OCA2: variants seen among roughly 807,000 people sequenced by gnomAD.
OCA2 encodes the protein OCA2 melanosomal transmembrane protein.
OCA2 carries 77 observed loss-of-function variants against 100.2 expected under a neutral mutation model. That is an observed-to-expected ratio of 0.77 (90% CI 0.64 to 0.93). OCA2 has a LOEUF of 0.93. Among genes scored for constraint, OCA2 ranks in the 40% least tolerant of loss-of-function variants. The pLI, the probability that OCA2 is intolerant of heterozygous loss-of-function variation, is 0.00. For synonymous variants in OCA2, 432 were observed against 439.2 expected, an observed-to-expected ratio of 0.98 and a Z score of 0.21; for missense variants, 1,062 against 1,089.1, an observed-to-expected ratio of 0.98 and a Z score of 0.35.
intron 23 of OCA2, among the ~76,000 whole-genome samples, chr15:27,801,094 T>G (rs915390157): frequency 1.3e-5 from 2 of 152,164 alleles, no homozygotes; most frequent in Admixed American, 1.3e-4. Flanking sequence ...ACACAAACTC[T>G]TCCTGAAAAC....
At chr15:28,028,395 A>T (rs2042817788) in intron 3 of OCA2, among the ~76,000 whole-genome samples, 1 of 152,196 alleles carries the variant, frequency 6.6e-6, no homozygotes, top group Non-Finnish European at 1.5e-5. Flanking sequence ...TTTTCACTGC[A>T]TGCACTCCAG....
intron 14 of OCA2, among the ~76,000 whole-genome samples, chr15:27,974,359 G>T (rs1229647044): frequency 1.3e-5 from 2 of 152,186 alleles, no homozygotes; most frequent in African/African-American, 4.8e-5. Flanking sequence ...TGTCACTATT[G>T]ATAATGAGGC....
intron 21 of OCA2, among the ~76,000 whole-genome samples, chr15:27,861,536 C>T (rs4778124): frequency 0.44 from 65,921 of 151,376 alleles, 16,690 homozygotes; most frequent in African/African-American, 0.68. Context: ...TGGAAGGAGG[C>T]GAGGAGAAGG....
intron 22 of OCA2, among the ~76,000 whole-genome samples, chr15:27,851,086 T>A (rs2035730736): frequency 6.6e-6 from 1 of 152,152 alleles, no homozygotes; most frequent in African/African-American, 2.4e-5. Flanking sequence ...AAAATCTGTT[T>A]CTAAACCTAA....
chr15:27,986,621 G>A lies in OCA2; in HGVS notation c.1205C>T (p.Ser402Leu), dbSNP rs777116832. The part of the protein sequence containing the change: ...FGMMILVAIF[S>L]ETGFFDYCAV... ...ACAATAATCGAAAAATCCCGTTTCTGAAAATATGGCTACTAAGATCATCTA... is the reference window on the plus strand; with the variant it reads ...ACAATAATCGAAAAATCCCGTTTCTAAAAATATGGCTACTAAGATCATCTA... Residue 402 changes from serine to leucine, a missense_variant, in exon 12 of 24, where the codon TCA becomes TTA. Coordinates refer to ENST00000354638, the MANE Select transcript of OCA2 (RefSeq NM_000275.3). The A allele has an allele frequency of 3.8e-6, 6 of 1,593,862 alleles. No homozygotes were observed. In the South Asian group the frequency reaches 6.6e-5, roughly 18 times the overall value.
intron 21 of OCA2, among the ~76,000 whole-genome samples, chr15:27,855,237 T>C (rs1266122507): frequency 6.6e-6 from 1 of 152,198 alleles, no homozygotes; most frequent in East Asian, 1.9e-4. Flanking sequence ...AGATGCACCA[T>C]TTGCCCCTTT....
At chr15:27,941,035 A>C (rs1012580150) in intron 18 of OCA2, among the ~76,000 whole-genome samples, 2 of 152,208 alleles carry the variant, frequency 1.3e-5, no homozygotes, top group African/African-American at 4.8e-5. Flanking sequence ...CCCTGAAAGG[A>C]AGAATCTCTT....
intron 23 of OCA2, among the ~76,000 whole-genome samples, chr15:27,770,513 C>A (rs1341244992): frequency 1.7e-5 from 2 of 120,968 alleles, no homozygotes; most frequent in African/African-American, 6.1e-5. Flanking sequence ...ACCCTCCCCG[C>A]AGGCCGCCGG....
chr15:27,974,521 C>T (rs1156871696), intron 14 of OCA2, among the ~76,000 whole-genome samples: 2 of 152,194 alleles, frequency 1.3e-5, no homozygotes, highest in African/African-American at 4.8e-5. Flanking sequence ...AATCTCAGCA[C>T]TTTGGGAGGC....
At chr15:27,976,724 G>T (rs531713983) in intron 14 of OCA2, among the ~76,000 whole-genome samples, 77 of 152,150 alleles carry the variant, frequency 5.1e-4, no homozygotes, top group Non-Finnish European at 9.9e-4. Context: ...TACTGGTTTT[G>T]TCTAGTTCAC....
At chr15:28,010,226 T>G (rs1013884439) in intron 9 of OCA2, among the ~76,000 whole-genome samples, 4 of 152,122 alleles carry the variant, frequency 2.6e-5, no homozygotes, top group Non-Finnish European at 5.9e-5. Context: ...CTTAGTACAT[T>G]AGGAAAAGAA....
intron 23 of OCA2, among the ~76,000 whole-genome samples, chr15:27,840,768 C>T (rs2035311661): frequency 6.6e-6 from 1 of 152,094 alleles, no homozygotes; most frequent in Non-Finnish European, 1.5e-5. Flanking sequence ...TGAAACTTAA[C>T]TCAAAATGGA....
chr15:27,768,919 AGCTTCAAT>A (rs2031496712), intron 23 of OCA2, among the ~76,000 whole-genome samples: 1 of 152,204 alleles, frequency 6.6e-6, no homozygotes, highest in Admixed American at 6.5e-5. Flanking sequence ...GCTTGATTGG[AGCTTCAAT>A]GCTTCATGCG....
At chr15:27,874,731 A>G (rs1403932513) in intron 19 of OCA2, among the ~76,000 whole-genome samples, 1 of 152,218 alleles carries the variant, frequency 6.6e-6, no homozygotes, top group Non-Finnish European at 1.5e-5. Flanking sequence ...TATCATCTCC[A>G]GATGACATTA....
chr15:27,944,093 T>C (rs1183882120), intron 18 of OCA2, among the ~76,000 whole-genome samples: 1 of 152,238 alleles, frequency 6.6e-6, no homozygotes, highest in Non-Finnish European at 1.5e-5. Flanking sequence ...AATTATCGTT[T>C]TTGGCTTTAC....
chr15:27,903,540 T>C (rs868249040), intron 19 of OCA2, among the ~76,000 whole-genome samples: 5 of 152,212 alleles, frequency 3.3e-5, no homozygotes, highest in Non-Finnish European at 7.3e-5. Flanking sequence ...CCGGAGGCAC[T>C]TTCTATTACT....
At chr15:27,920,494 A>T (rs949702258) in intron 19 of OCA2, among the ~76,000 whole-genome samples, 1 of 152,182 alleles carries the variant, frequency 6.6e-6, no homozygotes, top group African/African-American at 2.4e-5. Flanking sequence ...TTTTACAAAA[A>T]TTATAAGATA....
At chr15:27,921,247 A>G (rs2038848155) in intron 19 of OCA2, among the ~76,000 whole-genome samples, 1 of 152,156 alleles carries the variant, frequency 6.6e-6, no homozygotes, top group Non-Finnish European at 1.5e-5. Context: ...GGAAACAATG[A>G]TTAACAGCTA....
intron 21 of OCA2, among the ~76,000 whole-genome samples, chr15:27,864,598 T>A (rs919821460): frequency 6.6e-6 from 1 of 152,048 alleles, no homozygotes; most frequent in Non-Finnish European, 1.5e-5. Flanking sequence ...GGAAAGGAGA[T>A]GCCTGAGAAA....
Sources: gnomAD v4.1 joint callset for allele counts (sites outside exome capture counted in the v4.1 genomes callset) on GRCh38, gnomAD v4.1.1 for gene constraint, MANE v1.5 for transcripts, NCBI Gene and HGNC (gene_info 2026-07-23, HGNC 2026-07-21) for gene names.